Variants in ZNF208 observed in about 807,000 individuals in gnomAD.
ZNF208 encodes zinc finger protein 95.
A neutral mutation model predicts 12.1 loss-of-function variants in ZNF208; 10 were observed. The observed-to-expected ratio is 0.83, with a 90% confidence interval of 0.51 to 1.40. The LOEUF is 1.40. ZNF208 is among the 40% of genes most tolerant of loss of function. The probability of loss-of-function intolerance (pLI) is 0.00; values close to 1 mark genes in which losing one functional copy is unlikely to be tolerated. For synonymous variants in ZNF208, 497 were observed against 488.4 expected, an observed-to-expected ratio of 1.02 and a Z score of -0.23; for missense variants, 1,652 against 1,485.0, an observed-to-expected ratio of 1.11 and a Z score of -1.85.
chr19:21,969,712 A>C lies in ZNF208; in HGVS notation c.*1479T>G, dbSNP rs1197676181. ...TGTAGTACAAAATGTGTACAATAAA[A>C]TCTGTGATACAAGTACATGTACTAC... On this transcript the variant is annotated 3_prime_UTR_variant, in exon 4 of 4. Transcript: ENST00000397126. Among the ~76,000 whole-genome samples the C allele has an allele frequency of 6.6e-6, 1 of 151,714 alleles. No individual in the cohort carries two copies. The highest frequency in any genetic ancestry group is 1.9e-4 in the East Asian group (1 of 5,150).
intron 1 of ZNF208, among the ~76,000 whole-genome samples, chr19:22,005,411 C>T (rs1971027663): frequency 6.6e-6 from 1 of 152,152 alleles, no homozygotes; most frequent in Non-Finnish European, 1.5e-5. Flanking sequence ...CAGAGCTTCC[C>T]ATTCCCAGAC....
chr19:21,976,153 G>A (rs1970427628), intron 3 of ZNF208, among the ~76,000 whole-genome samples: 1 of 152,086 alleles, frequency 6.6e-6, no homozygotes, highest in South Asian at 2.1e-4. Context: ...AGAGATAAAA[G>A]CATAGGAATT....
Position 21,972,338 on chromosome 19 carries a change from C to G in ZNF208, c.2696G>C (p.Ser899Thr), listed in dbSNP as rs986677091. The stretch of plus-strand genomic sequence containing the variant: ...ATGTTTAGTAAGGATGGAGAACATA[C>G]TAAAACCTTTGCCACATTCTTCACA... Reference protein sequence around the residue: ...YKCEECGKGFSMFSILTKHEV... With the variant: ...YKCEECGKGFTMFSILTKHEV... Residue 899 changes from serine to threonine, a missense_variant, in exon 4 of 4, where the codon AGT (serine) becomes ACT (threonine). Physicochemically the swap from Ser to Thr is moderately conservative, Grantham distance 58 (BLOSUM62 1). Transcript: ENST00000397126. 1.9e-6 allele frequency: 3 copies of G among 1,612,674 alleles called. No homozygotes were observed.
At chr19:21,977,810 C>T (rs1398435696) in intron 3 of ZNF208, among the ~76,000 whole-genome samples, 2 of 152,192 alleles carry the variant, frequency 1.3e-5, no homozygotes, top group Non-Finnish European at 2.9e-5. Context: ...AACCAGGGAG[C>T]CCAGCCGGCT....
intron 4 of ZNF208, among the ~76,000 whole-genome samples, chr19:21,950,732 T>C (rs536716677): frequency 6.6e-6 from 1 of 152,120 alleles, no homozygotes; most frequent in South Asian, 2.1e-4. Context: ...TGACCTCAGG[T>C]GATCCACCCG....
chr19:21,976,838 G>T (rs1358620070), intron 3 of ZNF208, among the ~76,000 whole-genome samples: 1 of 152,174 alleles, frequency 6.6e-6, no homozygotes, highest in Non-Finnish European at 1.5e-5. Flanking sequence ...TGGGATTACA[G>T]GCATGAGCCA....
At chr19:21,952,020 G>A (rs180709071) in intron 4 of ZNF208, among the ~76,000 whole-genome samples, 6 of 152,296 alleles carry the variant, frequency 3.9e-5, no homozygotes, top group Admixed American at 2.0e-4. Context: ...TCAGCAGGTC[G>A]TGAACCCACA....
chr19:21,953,483 C>T (rs1969925171), intron 4 of ZNF208, among the ~76,000 whole-genome samples: 1 of 152,154 alleles, frequency 6.6e-6, no homozygotes, highest in South Asian at 2.1e-4. Flanking sequence ...TCCTACAAAC[C>T]AGAAGAGAGT....
chr19:21,992,053 A>T (rs943906051), intron 1 of ZNF208, among the ~76,000 whole-genome samples: 1 of 152,092 alleles, frequency 6.6e-6, no homozygotes, highest in African/African-American at 2.4e-5. Context: ...AACAAAGATG[A>T]GAGGTTTCAT....
chr19:21,982,479 A>C (rs1000472145), intron 3 of ZNF208, among the ~76,000 whole-genome samples: 4 of 152,040 alleles, frequency 2.6e-5, no homozygotes, highest in Non-Finnish European at 5.9e-5. Flanking sequence ...TCAAGCTACC[A>C]TTGACTTTCT....
chr19:21,992,221 A>T (rs974528227), intron 1 of ZNF208, among the ~76,000 whole-genome samples: 1 of 152,220 alleles, frequency 6.6e-6, no homozygotes, highest in Non-Finnish European at 1.5e-5. Context: ...AAGCTTATCA[A>T]CCAAGTGATT....
intron 1 of ZNF208, among the ~76,000 whole-genome samples, chr19:22,001,028 C>T (rs1279227837): frequency 2.6e-5 from 4 of 152,156 alleles, no homozygotes; most frequent in African/African-American, 7.2e-5. Context: ...GTGGCTCACA[C>T]CTGTAATCCC....
At chr19:21,946,527 G>T (rs1295137613) in intron 4 of ZNF208, among the ~76,000 whole-genome samples, 1 of 152,092 alleles carries the variant, frequency 6.6e-6, no homozygotes, top group Non-Finnish European at 1.5e-5. Flanking sequence ...CCTCACCCTT[G>T]TGTCCACACT....
chr19:22,005,120 C>A (rs1334496863), intron 1 of ZNF208, among the ~76,000 whole-genome samples: 2 of 152,040 alleles, frequency 1.3e-5, no homozygotes, highest in Non-Finnish European at 1.5e-5. Flanking sequence ...TAGAGATATG[C>A]CAGGAGACTT....
At chr19:21,942,710 G>A (rs1216661531) in intron 4 of ZNF208, among the ~76,000 whole-genome samples, 2 of 151,974 alleles carry the variant, frequency 1.3e-5, no homozygotes, top group Admixed American at 6.6e-5. Flanking sequence ...ATGCAATGGT[G>A]CAATCTTGGT....
intron 4 of ZNF208, among the ~76,000 whole-genome samples, chr19:21,947,981 G>C (rs997942194): frequency 4.4e-4 from 67 of 152,200 alleles, no homozygotes; most frequent in African/African-American, 1.6e-3. Context: ...TGGACCCATG[G>C]GTGAAGGTCA....
rs750019779 is a variant in ZNF208, at chr19:21,972,596, G to A, written c.2438C>T (p.Thr813Ile). The A allele has an allele frequency of 6.2e-7, 1 of 1,612,272 alleles. No homozygotes were observed. Among genetic ancestry groups the A allele is most frequent in the Non-Finnish European group, 8.5e-7 (1 of 1,179,676 alleles). ...AGTAAGGGTTGAGACCTTACTAAAGGTTTTGCCACATTCTTCACATTTGTA... is the reference window on the plus strand; with the variant it reads ...AGTAAGGGTTGAGACCTTACTAAAGATTTTGCCACATTCTTCACATTTGTA... ...KPYKCEECGK[T>I]FSKVSTLTTH... The change falls in exon 4 of 4, where the codon ACC (threonine) becomes ATC (isoleucine). Residue 813 changes from threonine to isoleucine, a missense_variant. Coordinates refer to ENST00000397126, the MANE Select transcript of ZNF208 (RefSeq NM_007153.3).
At chr19:21,993,894 G>T (rs534097205) in intron 1 of ZNF208, among the ~76,000 whole-genome samples, 3 of 152,124 alleles carry the variant, frequency 2.0e-5, no homozygotes, top group Non-Finnish European at 4.4e-5. Flanking sequence ...ATGTGCACAT[G>T]TACTACTACA....
At chr19:21,950,520 G>C (rs937352216) in intron 4 of ZNF208, among the ~76,000 whole-genome samples, 4 of 144,050 alleles carry the variant, frequency 2.8e-5, no homozygotes, top group Non-Finnish European at 1.5e-5. Context: ...GCAGGACAGA[G>C]TCTCACTCTG....
Sources: gnomAD v4.1 joint callset for allele counts (sites outside exome capture counted in the v4.1 genomes callset) on GRCh38, gnomAD v4.1.1 for gene constraint, MANE v1.5 for transcripts, NCBI Gene and HGNC (gene_info 2026-07-23, HGNC 2026-07-21) for gene names.